Variants in ATRNL1 observed in about 807,000 individuals in gnomAD.
The protein encoded by ATRNL1 is attractin like 1.
A neutral mutation model predicts 182.7 loss-of-function variants in ATRNL1; 95 were observed. That is an observed-to-expected ratio of 0.52 (90% CI 0.44 to 0.62). The LOEUF is 0.62. Ranked by LOEUF, ATRNL1 falls within the 20% of genes least tolerant of loss-of-function variation. ATRNL1 has a pLI of 0.00. For missense variants in ATRNL1, 1,471 were observed against 1,679.5 expected (o/e 0.88, Z 2.17); for synonymous variants, 576 against 568.3 (o/e 1.01, Z -0.19).
intron 26 of ATRNL1, among the ~76,000 whole-genome samples, chr10:115,613,130 G>C (rs1289306204): frequency 6.6e-6 from 1 of 152,146 alleles, no homozygotes; most frequent in Non-Finnish European, 1.5e-5. Flanking sequence ...AAGTCCATTG[G>C]TAAGTTCCAT....
chr10:115,423,035 GA>G (rs2134382908), intron 20 of ATRNL1, among the ~76,000 whole-genome samples: 1 of 152,080 alleles, frequency 6.6e-6, no homozygotes, highest in South Asian at 2.1e-4. Context: ...TAAAAGTTAA[GA>G]AAAATGATAG....
chr10:115,898,945 C>A (rs1002309306), intron 28 of ATRNL1, among the ~76,000 whole-genome samples: 3 of 151,596 alleles, frequency 2.0e-5, no homozygotes, highest in Non-Finnish European at 4.4e-5. Context: ...TTACTTTTTT[C>A]TTCTCCTTTT....
intron 26 of ATRNL1, among the ~76,000 whole-genome samples, chr10:115,553,185 A>G (rs1381706735): frequency 1.3e-5 from 2 of 151,254 alleles, no homozygotes; most frequent in Non-Finnish European, 3.0e-5. Flanking sequence ...TGAAAATATG[A>G]TGCATATTTT....
intron 26 of ATRNL1, among the ~76,000 whole-genome samples, chr10:115,556,752 C>T (rs1161764716): frequency 2.6e-5 from 4 of 151,440 alleles, no homozygotes; most frequent in Admixed American, 2.0e-4. Flanking sequence ...CAGCATTATA[C>T]ATTAATATTA....
chr10:115,846,025 A>G (rs576394767), intron 27 of ATRNL1, among the ~76,000 whole-genome samples: 26 of 152,190 alleles, frequency 1.7e-4, no homozygotes, highest in African/African-American at 6.3e-4. Flanking sequence ...CTAAATATTT[A>G]CATCACTGGA....
intron 25 of ATRNL1, among the ~76,000 whole-genome samples, chr10:115,540,169 A>G (rs1449720576): frequency 6.6e-6 from 1 of 151,876 alleles, no homozygotes; most frequent in Non-Finnish European, 1.5e-5. Flanking sequence ...AGTGCTTTAT[A>G]AACTTCTGGG....
intron 28 of ATRNL1, among the ~76,000 whole-genome samples, chr10:115,867,698 C>A (rs1451324365): frequency 2.0e-5 from 3 of 149,460 alleles, no homozygotes; most frequent in Non-Finnish European, 4.4e-5. Flanking sequence ...ATCTTATTTC[C>A]TTTTAGTGTT....
chr10:115,371,339 G>T (rs1040081855), intron 19 of ATRNL1, among the ~76,000 whole-genome samples: 1 of 152,110 alleles, frequency 6.6e-6, no homozygotes, highest in Non-Finnish European at 1.5e-5. Context: ...CCAACAGCTG[G>T]CACCCTGCAT....
intron 5 of ATRNL1, among the ~76,000 whole-genome samples, chr10:115,146,325 C>T (rs926034510): frequency 7.9e-5 from 12 of 151,798 alleles, no homozygotes; most frequent in Non-Finnish European, 1.2e-4. Context: ...TACTTACTTT[C>T]CCTTTTACTT....
At chr10:115,653,803 C>T (rs1371778886) in intron 26 of ATRNL1, among the ~76,000 whole-genome samples, 1 of 152,194 alleles carries the variant, frequency 6.6e-6, no homozygotes, top group Non-Finnish European at 1.5e-5. Context: ...AACAATCCTG[C>T]ACAGTGCCCT....
chr10:115,376,913 T>G (rs944510830), intron 19 of ATRNL1, among the ~76,000 whole-genome samples: 30 of 152,154 alleles, frequency 2.0e-4, no homozygotes, highest in Non-Finnish European at 3.7e-4. Flanking sequence ...AAGAATCATT[T>G]TTTGTTTTTC....
intron 27 of ATRNL1, among the ~76,000 whole-genome samples, chr10:115,796,027 G>C (rs1473114908): frequency 6.6e-6 from 1 of 151,972 alleles, no homozygotes; most frequent in African/African-American, 2.4e-5. Flanking sequence ...CTCTGCCTGG[G>C]CACCTGAACT....
chr10:115,368,257 C>T lies in ATRNL1; in HGVS notation c.3176-26402C>T, dbSNP rs1445160249. Among the ~76,000 whole-genome samples, 11 of 152,202 alleles carry T rather than the reference C, an allele frequency of 7.2e-5. No individual in the cohort carries two copies. The South Asian group carries it at 8.3e-4, about 11-fold the overall frequency. On this transcript the variant is annotated intron_variant, in intron 19 of 28. Transcript: ENST00000355044. ...CCGTTTTTTAAGCCGGTCCGAAAAG[C>T]GCAATATTCGGGTGGGAGTGACCCG...
chr10:115,401,991 C>T (rs1296993417), intron 20 of ATRNL1, among the ~76,000 whole-genome samples: 1 of 152,070 alleles, frequency 6.6e-6, no homozygotes, highest in East Asian at 1.9e-4. Flanking sequence ...GTTTTTATCT[C>T]TTAAGAGGTA....
chr10:115,814,777 AAGTT>A (rs1305478781), intron 27 of ATRNL1, among the ~76,000 whole-genome samples: 1 of 152,106 alleles, frequency 6.6e-6, no homozygotes, highest in Non-Finnish European at 1.5e-5. Context: ...AAAACACAAA[AAGTT>A]AGTCATGAGA....
chr10:115,694,331 G>A (rs1224677688), intron 26 of ATRNL1, among the ~76,000 whole-genome samples: 1 of 151,852 alleles, frequency 6.6e-6, no homozygotes, highest in Non-Finnish European at 1.5e-5. Context: ...AAAATAAAAT[G>A]TTTAATATAT....
intron 26 of ATRNL1, among the ~76,000 whole-genome samples, chr10:115,662,052 C>G (rs895503358): frequency 1.3e-5 from 2 of 151,732 alleles, no homozygotes; most frequent in Non-Finnish European, 2.9e-5. Context: ...CCTTGCAATA[C>G]TTTGCTGAGA....
intron 9 of ATRNL1, among the ~76,000 whole-genome samples, chr10:115,218,065 T>C (rs1164583394): frequency 6.6e-6 from 1 of 152,080 alleles, no homozygotes; most frequent in Non-Finnish European, 1.5e-5. Flanking sequence ...TTATATTTAT[T>C]GTGCACTTTA....
At position 115,268,365 on chromosome 10, in the gene ATRNL1, C is replaced by T. The variant is rs782109395; in HGVS notation, c.2021C>T (p.Ala674Val). ...DDRCYRYADC[A>V]SCTANTNGCQ... Reference sequence around the variant, plus strand: ...AGATGTTACAGATATGCAGATTGTGCCAGCTGTACTGCCAATACAAATGGG... The same window carrying T: ...AGATGTTACAGATATGCAGATTGTGTCAGCTGTACTGCCAATACAAATGGG... Residue 674 changes from alanine to valine, a missense_variant, in exon 13 of 29, where the codon GCC (alanine) becomes GTC (valine). By Grantham distance (64) the Ala-to-Val change is moderately conservative. Coordinates refer to ENST00000355044, the MANE Select transcript of ATRNL1 (RefSeq NM_207303.4). 7 of 1,613,190 alleles carry T rather than the reference C, an allele frequency of 4.3e-6. No individual in the cohort carries two copies. The South Asian group carries it at 6.6e-5, about 15-fold the overall frequency.
Sources: gnomAD v4.1 joint callset for allele counts (sites outside exome capture counted in the v4.1 genomes callset) on GRCh38, gnomAD v4.1.1 for gene constraint, MANE v1.5 for transcripts, NCBI Gene and HGNC (gene_info 2026-07-23, HGNC 2026-07-21) for gene names.